Variants in KCNE2 observed in about 807,000 individuals in gnomAD.
KCNE2 encodes potassium voltage-gated channel subfamily E regulatory subunit 2.
A neutral mutation model predicts 4.5 loss-of-function variants in KCNE2; 4 were observed. The observed-to-expected ratio is 0.89, with a 90% CI of 0.44 to 2.03. The LOEUF (loss-of-function observed/expected upper bound fraction) is 2.03, where lower values mean the gene tolerates loss of function less well. Ranked by LOEUF, KCNE2 falls within the 30% of genes most tolerant of loss-of-function variation. The pLI, the probability that KCNE2 is intolerant of heterozygous loss-of-function variation, is 0.03. For missense variants in KCNE2, 137 were observed against 151.4 expected (o/e 0.90, Z 0.50); for synonymous variants, 57 against 55.9 (o/e 1.02, Z -0.09).
Position 34,370,791 on chromosome 21 carries a change from G to T in KCNE2, c.313G>T (p.Glu105Ter). The T allele has an allele frequency of 6.2e-7, 1 of 1,614,192 alleles. No homozygotes were observed. The highest frequency in any genetic ancestry group is 1.1e-5 in the South Asian group (1 of 91,088). ...KYKSQILNLE[E>*]SKATIHENIG... ...CAAGAGCCAAATCTTGAATCTAGAA[G>T]AATCGAAGGCCACCATCCATGAGAA... Residue 105 changes from glutamate (E) to a stop codon, truncating the protein, a stop_gained, in exon 2 of 2, where the codon GAA becomes TAA. Coordinates refer to ENST00000290310, the MANE Select transcript of KCNE2 (RefSeq NM_172201.2). LOFTEE classifies it low-confidence loss of function (END_TRUNC).
chr21:34,366,808 T>A (rs1384336413), intron 1 of KCNE2, among the ~76,000 whole-genome samples: 2 of 150,674 alleles, frequency 1.3e-5, no homozygotes, highest in Non-Finnish European at 3.0e-5. Context: ...TGAAACCCCG[T>A]CTGTACTAAA....
Position 34,370,656 on chromosome 21 carries a change from T to A in KCNE2, c.178T>A (p.Phe60Ile), listed in dbSNP as rs16991654. ...ILYLMVMIGM[F>I]SFIIVAILVS... ...GTACCTCATGGTGATGATTGGAATG[T>A]TCTCTTTCATCATCGTGGCCATCCT... Residue 60 changes from phenylalanine (F) to isoleucine (I), a missense_variant, in exon 2 of 2, where the codon TTC (phenylalanine) becomes ATC (isoleucine). By Grantham distance (21) the Phe-to-Ile change is conservative (BLOSUM62 0). Coordinates refer to ENST00000290310, the MANE Select transcript of KCNE2 (RefSeq NM_172201.2). The A allele has an allele frequency of 1.9e-6, 3 of 1,614,130 alleles. No individual in the cohort carries two copies. The African/African-American group carries it at 4.0e-5, about 22-fold the overall frequency.
chr21:34,371,277 G>T lies in KCNE2; in HGVS notation c.*427G>T. On this transcript the variant is annotated 3_prime_UTR_variant, in exon 2 of 2. Coordinates refer to ENST00000290310, the MANE Select transcript of KCNE2 (RefSeq NM_172201.2). ...CCCAGATGTATTATGTAGAAGCTGA[G>T]GCTCAAAAGCTATCACTTGCTTACC... 4.4e-6 allele frequency: 1 copy of T among 229,250 alleles called. No individual in the cohort carries two copies. The highest frequency in any genetic ancestry group is 8.8e-6 in the Non-Finnish European group (1 of 114,098). 14.2% of individuals were successfully genotyped at this position (229,250 alleles called of 1,614,324 possible).
chr21:34,364,253 A>G (rs537511302), intron 1 of KCNE2, 102 bp downstream of exon 1: 2 of 152,400 alleles, frequency 1.3e-5, no homozygotes, highest in African/African-American at 4.8e-5. Flanking sequence ...TTCCTGGTAC[A>G]TGGCCTGGCT....
At chr21:34,368,229 A>ACAC (rs781775671) in intron 1 of KCNE2, among the ~76,000 whole-genome samples, 4 of 84,796 alleles carry the variant, frequency 4.7e-5, no homozygotes, top group Admixed American at 2.8e-4. Context: ...ACACACACAC[A>ACAC]ATATATATAT....
chr21:34,368,260 ATGTATGT>A (rs1451168408), intron 1 of KCNE2, among the ~76,000 whole-genome samples: 2,465 of 81,520 alleles, frequency 0.03, 85 homozygotes, highest in South Asian at 0.074. Flanking sequence ...ATATATATAT[ATGTATGT>A]TATATATATG....
At chr21:34,368,348 C>T (rs980632980) in intron 1 of KCNE2, among the ~76,000 whole-genome samples, 2 of 150,412 alleles carry the variant, frequency 1.3e-5, no homozygotes, top group Non-Finnish European at 2.9e-5. Context: ...CACCTGTAAT[C>T]TCAGCACTTT....
chr21:34,370,827 G>A lies in KCNE2; in HGVS notation c.349G>A (p.Ala117Thr), dbSNP rs1208119029. ...CACCATCCATGAGAACATTGGTGCGGCTGGGTTCAAAATGTCCCCCTGATA... is the reference window on the plus strand; with the variant it reads ...CACCATCCATGAGAACATTGGTGCGACTGGGTTCAAAATGTCCCCCTGATA... The part of the protein sequence containing the change: ...KATIHENIGA[A>T]GFKMSP The change falls in exon 2 of 2, where the codon GCT becomes ACT. Residue 117 changes from alanine to threonine, a missense_variant. Transcript: ENST00000290310. 6.2e-7 allele frequency: 1 copy of A among 1,614,110 alleles called. No individual in the cohort carries two copies. Among genetic ancestry groups the A allele is most frequent in the Admixed American group, 1.7e-5 (1 of 60,026 alleles).
chr21:34,368,785 T>G (rs1979455543), intron 1 of KCNE2, among the ~76,000 whole-genome samples: 1 of 152,162 alleles, frequency 6.6e-6, no homozygotes, highest in Non-Finnish European at 1.5e-5. Flanking sequence ...TATGGCATTA[T>G]TCTAGCTGGT....
rs753438833 is a variant in KCNE2, at chr21:34,370,779, T to C, written c.301T>C (p.Leu101=). 1 of 1,614,210 alleles carries C rather than the reference T, an allele frequency of 6.2e-7. No individual in the cohort carries two copies. Among genetic ancestry groups the C allele is most frequent in the Admixed American group, 1.7e-5 (1 of 60,026 alleles). ...DWQEKYKSQI[L]NLEESKATIH... Reference sequence around the variant, plus strand: ...GCAGGAAAAGTACAAGAGCCAAATCTTGAATCTAGAAGAATCGAAGGCCAC... The same window carrying C: ...GCAGGAAAAGTACAAGAGCCAAATCCTGAATCTAGAAGAATCGAAGGCCAC... The change falls in exon 2 of 2, where the codon TTG becomes CTG. Residue 101 remains leucine (L), a synonymous_variant. Transcript: ENST00000290310.
intron 1 of KCNE2, 43 bp from the exon 2 acceptor site, chr21:34,370,424 G>A (rs764739019): frequency 4.9e-5 from 79 of 1,613,482 alleles, no homozygotes; most frequent in Non-Finnish European, 6.1e-5. Flanking sequence ...GAAAAGATCC[G>A]TTTTCCTAAC....
intron 1 of KCNE2, among the ~76,000 whole-genome samples, chr21:34,370,058 G>A (rs139912989): frequency 9.9e-5 from 15 of 152,280 alleles, no homozygotes; most frequent in African/African-American, 3.4e-4. Flanking sequence ...AGTAATGCAA[G>A]ACTGCTGATG....
At chr21:34,370,377 C>A in intron 1 of KCNE2, 90 bp from the exon 2 acceptor site, 1 of 1,473,798 alleles carries the variant, frequency 6.8e-7, no homozygotes, top group Non-Finnish European at 9.5e-7. Context: ...TACTTATACC[C>A]TGGCATCTCC....
intron 1 of KCNE2, among the ~76,000 whole-genome samples, chr21:34,370,139 TTCTGA>T (rs570153279): frequency 7.5e-4 from 114 of 152,348 alleles, no homozygotes; most frequent in African/African-American, 2.5e-3. Context: ...ACTGTTAACA[TTCTGA>T]TCTATGTACT....
chr21:34,369,528 C>A (rs1053535932), intron 1 of KCNE2, among the ~76,000 whole-genome samples: 7 of 151,470 alleles, frequency 4.6e-5, no homozygotes, highest in Non-Finnish European at 8.8e-5. Context: ...CCAGCCTGGA[C>A]GACAGAGCAA....
At chr21:34,368,166 G>A (rs1027540392) in intron 1 of KCNE2, among the ~76,000 whole-genome samples, 1 of 143,160 alleles carries the variant, frequency 7.0e-6, no homozygotes, top group South Asian at 2.2e-4. Flanking sequence ...CATGACAGCC[G>A]AGTGGAAAAG....
At chr21:34,366,500 C>T (rs1158666831) in intron 1 of KCNE2, among the ~76,000 whole-genome samples, 3 of 151,914 alleles carry the variant, frequency 2.0e-5, no homozygotes, top group Non-Finnish European at 2.9e-5. Context: ...AGATTTGCTA[C>T]GTACCCATCG....
Position 34,364,169 on chromosome 21 carries a change from T to C in KCNE2, c.-13+18T>C, listed in dbSNP as rs1318638185. 6.6e-6 allele frequency: 1 copy of C among 152,202 alleles called. No individual in the cohort carries two copies. Among genetic ancestry groups the C allele is most frequent in the African/African-American group, 2.4e-5 (1 of 41,456 alleles). The allele number at this position is 152,202 out of a possible 1,614,324, so 9.4% of individuals were successfully genotyped here. A position where few individuals can be genotyped will look rare whatever the true frequency, so the allele number is the denominator to read the frequency against. ...CTGCATAGGTAAGTCTTAGCACACA[T>C]TCTTTATTTTTTGAGGAATTAAGTA... On this transcript the variant is annotated intron_variant, in intron 1 of 1. Transcript: ENST00000290310.
chr21:34,365,480 C>A (rs934342595), intron 1 of KCNE2, among the ~76,000 whole-genome samples: 2 of 152,228 alleles, frequency 1.3e-5, no homozygotes, highest in Non-Finnish European at 2.9e-5. Context: ...CTGCTGAGTG[C>A]AGTGGTGTGA....
Sources: gnomAD v4.1 joint callset for allele counts (sites outside exome capture counted in the v4.1 genomes callset) on GRCh38, gnomAD v4.1.1 for gene constraint, MANE v1.5 for transcripts, NCBI Gene and HGNC (gene_info 2026-07-23, HGNC 2026-07-21) for gene names.